GRIK2: variants seen among roughly 807,000 people sequenced by gnomAD.
GRIK2 encodes the protein glutamate receptor ionotropic, kainate 2.
A neutral mutation model predicts 100.3 loss-of-function variants in GRIK2; 32 were observed. The ratio of observed to expected loss-of-function variants is 0.32; its 90% CI spans 0.24 to 0.43. The LOEUF is 0.43. Among genes scored for constraint, GRIK2 ranks in the 20% least tolerant of loss-of-function variants. The probability of loss-of-function intolerance (pLI) is 1.00; values close to 1 mark genes in which losing one functional copy is unlikely to be tolerated. For synonymous variants in GRIK2, 417 were observed against 389.4 expected (o/e 1.07, Z -0.83); for missense variants, 843 against 1,114.9 (o/e 0.76, Z 3.47).
chr6:101,676,605 T>G lies in GRIK2; in HGVS notation c.542-18T>G, dbSNP rs1770860522. 6.9e-7 allele frequency: 1 copy of G among 1,448,786 alleles called. No homozygotes were observed. Among genetic ancestry groups the G allele is most frequent in the Non-Finnish European group, 9.3e-7 (1 of 1,069,760 alleles). 89.7% of individuals were successfully genotyped at this position (1,448,786 alleles called of 1,614,324 possible). The stretch of plus-strand genomic sequence containing the variant: ...TTTATCTCTAATATTCTTTTTTTTT[T>G]TTCCATTTTAATTAAAGGTCTCATT... On this transcript the variant is annotated intron_variant, in intron 4 of 16. Transcript: ENST00000369134.
intron 2 of GRIK2, among the ~76,000 whole-genome samples, chr6:101,610,844 A>AT (rs1370544027): frequency 6.6e-6 from 1 of 151,748 alleles, no homozygotes; most frequent in Non-Finnish European, 1.5e-5. Context: ...GGTATTATTT[A>AT]TACTGTTTAT....
At chr6:101,719,741 C>A in intron 7 of GRIK2, among the ~76,000 whole-genome samples, 1 of 152,056 alleles carries the variant, frequency 6.6e-6, no homozygotes, top group East Asian at 1.9e-4. Flanking sequence ...GCCCCCTCTG[C>A]CAGATAACAG....
At chr6:101,921,277 G>T (rs1222360260) in intron 12 of GRIK2, among the ~76,000 whole-genome samples, 1 of 38,576 alleles carries the variant, frequency 2.6e-5, no homozygotes, top group African/African-American at 1.2e-4. Context: ...TGTAATAAAA[G>T]AAAAATTAGT....
rs553689324 is a variant in GRIK2 at position 101,540,495 on chromosome 6, A to G, written c.116-81454A>G. On this transcript the variant is annotated intron_variant, in intron 2 of 16. Transcript: ENST00000369134. ...TCACCTCACATGCCTGAATCAAAAC[A>G]TCTCATGTACTGCATTTATACACCT... Among the ~76,000 whole-genome samples, 3 of 152,142 alleles carry G rather than the reference A, an allele frequency of 2.0e-5. No homozygotes were observed. In the South Asian group the frequency reaches 6.2e-4, roughly 32 times the overall value.
At chr6:101,443,994 A>G (rs1770227932) in intron 2 of GRIK2, among the ~76,000 whole-genome samples, 1 of 151,892 alleles carries the variant, frequency 6.6e-6, no homozygotes, top group Non-Finnish European at 1.5e-5. Flanking sequence ...AAGGGGTGTT[A>G]CCATCTCAGC....
chr6:101,687,724 G>T (rs998789968), intron 7 of GRIK2, among the ~76,000 whole-genome samples: 1 of 151,690 alleles, frequency 6.6e-6, no homozygotes, highest in African/African-American at 2.4e-5. Context: ...AAATATATCC[G>T]TATGAATTTG....
intron 16 of GRIK2, among the ~76,000 whole-genome samples, chr6:102,060,496 GA>G (rs1771692384): frequency 6.6e-6 from 1 of 150,682 alleles, no homozygotes; most frequent in Non-Finnish European, 1.5e-5. Flanking sequence ...ACAGAAGAAT[GA>G]AAACAGGTTG....
At chr6:101,802,988 G>T (rs188878791) in intron 9 of GRIK2, among the ~76,000 whole-genome samples, 1 of 151,442 alleles carries the variant, frequency 6.6e-6, no homozygotes, top group East Asian at 1.9e-4. Flanking sequence ...AAAGAATGTG[G>T]GTATGTGCCT....
chr6:101,595,644 A>G (rs986189114), intron 2 of GRIK2, among the ~76,000 whole-genome samples: 2 of 150,708 alleles, frequency 1.3e-5, no homozygotes, highest in Non-Finnish European at 3.0e-5. Context: ...ACACAGACAT[A>G]TATATAAACA....
chr6:101,902,775 A>G (rs1361895884), intron 12 of GRIK2, among the ~76,000 whole-genome samples: 1 of 151,914 alleles, frequency 6.6e-6, no homozygotes, highest in Non-Finnish European at 1.5e-5. Context: ...AAACTCTTTA[A>G]GATAATTTAG....
At chr6:101,802,836 A>G (rs1780757739) in intron 9 of GRIK2, among the ~76,000 whole-genome samples, 1 of 151,826 alleles carries the variant, frequency 6.6e-6, no homozygotes, top group African/African-American at 2.4e-5. Flanking sequence ...ATATAAAAGT[A>G]TGTTTCTATT....
intron 10 of GRIK2, among the ~76,000 whole-genome samples, chr6:101,825,479 A>T (rs888239109): frequency 1.3e-5 from 2 of 152,126 alleles, no homozygotes; most frequent in Non-Finnish European, 2.9e-5. Context: ...AATTTTGAAA[A>T]TCCTAGGGTC....
chr6:102,006,829 CTT>C (rs1344615081), intron 14 of GRIK2, among the ~76,000 whole-genome samples: 1 of 151,798 alleles, frequency 6.6e-6, no homozygotes, highest in Non-Finnish European at 1.5e-5. Context: ...ATAATCATAT[CTT>C]ATTGTTTGAT....
At chr6:101,742,525 G>T (rs185422471) in intron 7 of GRIK2, among the ~76,000 whole-genome samples, 2 of 152,192 alleles carry the variant, frequency 1.3e-5, no homozygotes, top group African/African-American at 2.4e-5. Context: ...GGTGCAGCTT[G>T]GTTTTATACA....
chr6:101,941,134 T>A (rs1261567469), intron 14 of GRIK2, among the ~76,000 whole-genome samples: 2 of 152,100 alleles, frequency 1.3e-5, no homozygotes, highest in Admixed American at 1.3e-4. Context: ...TAAATTACAA[T>A]TATAACTATC....
At chr6:102,053,816 C>A (rs1771330929) in intron 15 of GRIK2, among the ~76,000 whole-genome samples, 1 of 152,084 alleles carries the variant, frequency 6.6e-6, no homozygotes, top group South Asian at 2.1e-4. Context: ...GAACATATCT[C>A]AACAGGTAAA....
intron 7 of GRIK2, among the ~76,000 whole-genome samples, chr6:101,720,240 A>G (rs930140409): frequency 6.6e-6 from 1 of 152,008 alleles, no homozygotes; most frequent in Admixed American, 6.6e-5. Context: ...AGAAAAAAAT[A>G]AAAAATGTGT....
chr6:101,555,075 A>G (rs1776675353), intron 2 of GRIK2, among the ~76,000 whole-genome samples: 1 of 152,204 alleles, frequency 6.6e-6, no homozygotes, highest in Admixed American at 6.5e-5. Context: ...AAGTTGAAGG[A>G]AATATGCTGT....
At chr6:101,852,318 C>T (rs1428816601) in intron 10 of GRIK2, among the ~76,000 whole-genome samples, 1 of 152,112 alleles carries the variant, frequency 6.6e-6, no homozygotes, top group Non-Finnish European at 1.5e-5. Flanking sequence ...TATTCTCAGT[C>T]TTTCCCCTAC....
Sources: allele counts gnomAD v4.1 joint callset (sites outside exome capture counted in the v4.1 genomes callset), GRCh38; gene constraint gnomAD v4.1.1; transcripts MANE v1.5; gene names NCBI Gene and HGNC (gene_info 2026-07-23, HGNC 2026-07-21).